Variants in PDZD2 observed in about 807,000 individuals in gnomAD.
PDZD2 encodes the protein PDZ domain containing 2.
Under a neutral mutation model 220.7 loss-of-function variants are expected in PDZD2, and 90 were observed. The observed-to-expected ratio is 0.41, with a 90% CI of 0.34 to 0.49. The LOEUF (loss-of-function observed/expected upper bound fraction) is 0.49, where lower values mean the gene tolerates loss of function less well. PDZD2 is among the 20% of genes least tolerant of loss of function. The probability of loss-of-function intolerance (pLI) is 0.28; values close to 1 mark genes in which losing one functional copy is unlikely to be tolerated. For synonymous variants in PDZD2, 1,375 were observed against 1,450.5 expected (o/e 0.95, Z 1.18); for missense variants, 3,174 against 3,608.5 (o/e 0.88, Z 3.08).
At chr5:31,817,820 A>C (rs7701193) in intron 2 of PDZD2, among the ~76,000 whole-genome samples, 122,011 of 151,758 alleles carry the variant, frequency 0.8, 50,138 homozygotes, top group African/African-American at 0.9. Flanking sequence ...CACACCACCA[A>C]GTCTGGCTAA....
At chr5:31,971,403 C>T (rs934752818) in intron 2 of PDZD2, among the ~76,000 whole-genome samples, 2 of 152,212 alleles carry the variant, frequency 1.3e-5, no homozygotes, top group African/African-American at 4.8e-5. Context: ...CACGAGGCCT[C>T]TGGCCCCATG....
intron 1 of PDZD2, among the ~76,000 whole-genome samples, chr5:31,712,779 A>G (rs1044341804): frequency 1.3e-5 from 2 of 152,200 alleles, no homozygotes; most frequent in Non-Finnish European, 2.9e-5. Context: ...AATTGAAGGC[A>G]GCTGTCTTCA....
At chr5:32,075,431 T>G (rs1403885530) in intron 18 of PDZD2, among the ~76,000 whole-genome samples, 2 of 152,218 alleles carry the variant, frequency 1.3e-5, no homozygotes, top group Non-Finnish European at 2.9e-5. Context: ...GATAAGGTTA[T>G]GAGTGATCCT....
At chr5:31,685,975 C>T (rs186972696) in intron 1 of PDZD2, among the ~76,000 whole-genome samples, 168 of 151,852 alleles carry the variant, frequency 1.1e-3, no homozygotes, top group African/African-American at 3.4e-3. Context: ...CCAAGGTGGG[C>T]GGATCACAGG....
chr5:32,100,609 C>G, intron 23 of PDZD2: 3 of 343,906 alleles, frequency 8.7e-6, no homozygotes, highest in South Asian at 6.8e-5. Flanking sequence ...TCTCTGGGTT[C>G]CTGGGGGCTT....
chr5:32,017,364 C>T (rs896739809), intron 6 of PDZD2, among the ~76,000 whole-genome samples: 8 of 151,802 alleles, frequency 5.3e-5, no homozygotes, highest in Non-Finnish European at 1.0e-4. Flanking sequence ...GCTTGAACCC[C>T]GGAGGCAGAC....
At chr5:31,686,199 G>A (rs2150125635) in intron 1 of PDZD2, among the ~76,000 whole-genome samples, 1 of 151,738 alleles carries the variant, frequency 6.6e-6, no homozygotes, top group East Asian at 2.0e-4. Flanking sequence ...ACTCTAGCCT[G>A]GGCGACAGAG....
chr5:31,658,433 G>A (rs1188722151), intron 1 of PDZD2, among the ~76,000 whole-genome samples: 10 of 152,270 alleles, frequency 6.6e-5, no homozygotes. Context: ...GAGCTCAGGA[G>A]CGTGTCTCCT....
At chr5:31,964,590 CT>C (rs773941242) in intron 2 of PDZD2, among the ~76,000 whole-genome samples, 20 of 152,214 alleles carry the variant, frequency 1.3e-4, no homozygotes, top group Non-Finnish European at 2.6e-4. Flanking sequence ...CCACCATCTT[CT>C]TTTACATCAG....
At chr5:31,921,539 A>AC (rs973012531) in intron 2 of PDZD2, among the ~76,000 whole-genome samples, 1 of 152,026 alleles carries the variant, frequency 6.6e-6, no homozygotes, top group African/African-American at 2.4e-5. Flanking sequence ...CAAAAAAAAA[A>AC]ATTAGCTGGG....
chr5:32,051,407 T>C (rs966539563), intron 8 of PDZD2, among the ~76,000 whole-genome samples: 3 of 152,168 alleles, frequency 2.0e-5, no homozygotes, highest in Non-Finnish European at 4.4e-5. Context: ...TACAAAAATA[T>C]CACTGGGGAC....
At chr5:31,805,159 T>C (rs930149294) in intron 2 of PDZD2, among the ~76,000 whole-genome samples, 4 of 152,130 alleles carry the variant, frequency 2.6e-5, no homozygotes, top group African/African-American at 9.7e-5. Flanking sequence ...TGTGCCGCCA[T>C]TGCACTCCAG....
At chr5:32,105,770 T>C (rs1365827118) in intron 24 of PDZD2, among the ~76,000 whole-genome samples, 1 of 152,226 alleles carries the variant, frequency 6.6e-6, no homozygotes, top group East Asian at 1.9e-4. Context: ...TTTTAAAAAA[T>C]CTATGAGTAA....
chr5:31,934,948 A>T (rs1745592078), intron 2 of PDZD2, among the ~76,000 whole-genome samples: 1 of 151,972 alleles, frequency 6.6e-6, no homozygotes, highest in Non-Finnish European at 1.5e-5. Flanking sequence ...ATATCTGGGC[A>T]TGGTGGCGGG....
In PDZD2 at chr5:31,838,207, T is replaced by TC. The variant is rs562652043; in HGVS notation, c.476+38485dup. On this transcript the variant is annotated intron_variant, in intron 2 of 24. Transcript: ENST00000438447. Reference sequence around the variant, plus strand: ...CAAGTAGCTGGAATTACAGGTGCCCTCCATCACACCCAGCTAATTTTTGTA... The same window carrying TC: ...CAAGTAGCTGGAATTACAGGTGCCCTCCCATCACACCCAGCTAATTTTTGTA... Among the ~76,000 whole-genome samples the TC allele has an allele frequency of 6.2e-3, 948 of 152,226 alleles. 5 individuals are homozygous for TC. The highest frequency in any genetic ancestry group is 8.3e-3 in the Non-Finnish European group (562 of 68,010).
rs757609259 is a variant in PDZD2 at position 32,090,070 on chromosome 5, G to C, written c.6622G>C (p.Gly2208Arg). 1.1e-5 allele frequency: 17 copies of C among 1,613,528 alleles called. No individual in the cohort carries two copies. The East Asian group carries it at 3.6e-4, about 34-fold the overall frequency. Residue 2208 changes from glycine to arginine, a missense_variant, in exon 20 of 25, where the codon GGG becomes CGG. Physicochemically the swap from Gly to Arg is moderately radical, Grantham distance 125. This residue lies in a region of PDZD2 where 1,861 missense variants were observed against 2,001.0 expected (regional missense o/e 0.93). Transcript: ENST00000438447. The surrounding 1 kb of genome is among the most constrained non-coding windows in gnomAD (Gnocchi z 4.3). ...AAACAGCATTCCAGGGGGCCCCTCG[G>C]GGGAGGACCATCTCTACTTCACCCC... ...PRNSIPGGPSGEDHLYFTPRP... is the reference protein window; with the variant it reads ...PRNSIPGGPSREDHLYFTPRP...
At chr5:31,941,618 A>C (rs72759605) in intron 2 of PDZD2, among the ~76,000 whole-genome samples, 1 of 152,328 alleles carries the variant, frequency 6.6e-6, no homozygotes, top group Non-Finnish European at 1.5e-5. Context: ...GAAGCTGTGA[A>C]ATGTACGTAC....
chr5:31,881,326 ATGTGTGTG>A (rs67969355), intron 2 of PDZD2, among the ~76,000 whole-genome samples: 11,224 of 123,178 alleles, frequency 0.091, 685 homozygotes, highest in Middle Eastern at 0.17. Context: ...TTCCATATAT[ATGTGTGTG>A]TGTGTGTGTG....
At chr5:31,929,843 C>G (rs1417463949) in intron 2 of PDZD2, among the ~76,000 whole-genome samples, 2 of 152,174 alleles carry the variant, frequency 1.3e-5, no homozygotes, top group African/African-American at 4.8e-5. Context: ...TCCAAGTCTC[C>G]TGTTGAAATG....
Sources: allele counts gnomAD v4.1 joint callset (sites outside exome capture counted in the v4.1 genomes callset), GRCh38; gene constraint gnomAD v4.1.1; regional missense constraint gnomAD v4.1.1; non-coding constraint Gnocchi (gnomAD v3.1); transcripts MANE v1.5; gene names NCBI Gene and HGNC (gene_info 2026-07-23, HGNC 2026-07-21).